The following GRIP1 variants were observed in gnomAD, a reference collection of about 807,000 sequenced individuals.
GRIP1 encodes the protein glutamate receptor-interacting protein 1.
A neutral mutation model predicts 129.9 loss-of-function variants in GRIP1; 45 were observed. The observed-to-expected ratio is 0.35, with a 90% CI of 0.27 to 0.44. GRIP1 has a LOEUF of 0.44. GRIP1 is among the 20% of genes least tolerant of loss of function. The pLI, the probability that GRIP1 is intolerant of heterozygous loss-of-function variation, is 1.00. For missense variants in GRIP1, 1,196 were observed against 1,396.8 expected, an observed-to-expected ratio of 0.86 and a Z score of 2.29; for synonymous variants, 530 against 520.8, an observed-to-expected ratio of 1.02 and a Z score of -0.24.
intron 1 of GRIP1, among the ~76,000 whole-genome samples, chr12:66,855,970 TA>T (rs34373213): frequency 0.29 from 43,460 of 150,814 alleles, 6,985 homozygotes; most frequent in East Asian, 0.41. Context: ...AGAGTTTTTC[TA>T]AATAATAAAA....
intron 23 of GRIP1, among the ~76,000 whole-genome samples, chr12:66,360,614 T>C (rs1471261060): frequency 4.6e-5 from 7 of 152,222 alleles, no homozygotes; most frequent in African/African-American, 1.7e-4. Flanking sequence ...CTAACCCTCC[T>C]GAGAACAGAA....
rs570022415 is a variant in GRIP1, at chr12:66,917,855, C to T, written c.58+151195G>A. On this transcript the variant is annotated intron_variant, in intron 1 of 1. Transcript: ENST00000643019. ...CATAATTTTCAAAATGATTACACTC[C>T]GCCATCTATCTCTTTATATCTCTGA... Among the ~76,000 whole-genome samples, 11 of 152,094 alleles carry T rather than the reference C, an allele frequency of 7.2e-5. No individual in the cohort carries two copies. The South Asian group carries it at 2.3e-3, about 32-fold the overall frequency.
At chr12:66,761,128 G>C (rs560551104) in intron 1 of GRIP1, among the ~76,000 whole-genome samples, 2 of 151,778 alleles carry the variant, frequency 1.3e-5, no homozygotes, top group African/African-American at 2.4e-5. Flanking sequence ...TTCCTTTTCA[G>C]CTCTCCCTAC....
chr12:66,520,039 T>C (rs994081204), intron 5 of GRIP1, among the ~76,000 whole-genome samples: 2 of 152,222 alleles, frequency 1.3e-5, no homozygotes, highest in African/African-American at 4.8e-5. Context: ...CTGTGACTTA[T>C]AGCATTAGAA....
intron 1 of GRIP1, among the ~76,000 whole-genome samples, chr12:66,622,152 C>A (rs1182358017): frequency 6.6e-6 from 1 of 151,924 alleles, no homozygotes; most frequent in Non-Finnish European, 1.5e-5. Flanking sequence ...GGTGTCATAT[C>A]CAAGAAATCA....
At chr12:66,417,049 T>C (rs2057633172) in intron 15 of GRIP1, among the ~76,000 whole-genome samples, 1 of 151,926 alleles carries the variant, frequency 6.6e-6, no homozygotes, top group East Asian at 1.9e-4. Context: ...AATAAAATAC[T>C]AGCAAAGTGA....
intron 1 of GRIP1, among the ~76,000 whole-genome samples, chr12:66,955,990 C>T (rs73333073): frequency 0.013 from 1,915 of 152,270 alleles, 32 homozygotes; most frequent in African/African-American, 0.044. Context: ...TTTGGATTTA[C>T]AAGAGTTAGT....
intron 1 of GRIP1, among the ~76,000 whole-genome samples, chr12:66,864,605 A>C (rs756361): frequency 0.97 from 146,699 of 151,972 alleles, 71,045 homozygotes; most frequent in East Asian, 1. Context: ...GTGGTCCCAG[A>C]CACTTGGGAG....
intron 2 of GRIP1, among the ~76,000 whole-genome samples, chr12:66,595,402 A>G (rs1040450868): frequency 1.6e-4 from 24 of 152,216 alleles, no homozygotes; most frequent in Admixed American, 1.2e-3. Flanking sequence ...ATGAAAAGAA[A>G]ACATTGATAA....
intron 1 of GRIP1, among the ~76,000 whole-genome samples, chr12:66,624,914 C>T (rs2065420905): frequency 6.6e-6 from 1 of 151,970 alleles, no homozygotes; most frequent in South Asian, 2.1e-4. Flanking sequence ...AAATTCATTA[C>T]TGGGTTTTGC....
upstream of GRIP1, among the ~76,000 whole-genome samples, chr12:66,807,661 A>T (rs1302346874): frequency 1.3e-5 from 2 of 151,834 alleles, no homozygotes; most frequent in African/African-American, 4.8e-5. Flanking sequence ...GCGATGGAGT[A>T]AAAAAGTGTG....
intron 7 of GRIP1, among the ~76,000 whole-genome samples, chr12:66,478,770 A>G (rs1448103772): frequency 6.6e-6 from 1 of 152,178 alleles, no homozygotes; most frequent in Non-Finnish European, 1.5e-5. Flanking sequence ...TCAGCAAACT[A>G]TCACAAGGAC....
At chr12:66,889,964 T>C (rs1433489491) in intron 1 of GRIP1, among the ~76,000 whole-genome samples, 1 of 152,044 alleles carries the variant, frequency 6.6e-6, no homozygotes, top group Non-Finnish European at 1.5e-5. Flanking sequence ...GGGTCTCACT[T>C]TGTCACCCAG....
chr12:66,392,113 C>A (rs7969948), intron 19 of GRIP1, among the ~76,000 whole-genome samples, 195 bp downstream of exon 19: 134,554 of 152,220 alleles, frequency 0.88, 61,313 homozygotes, highest in Non-Finnish European at 1. Flanking sequence ...GGTAAAGGTT[C>A]ATGCCTTATA....
intron 1 of GRIP1, among the ~76,000 whole-genome samples, chr12:66,732,330 T>C (rs1247749284): frequency 6.6e-6 from 1 of 152,110 alleles, no homozygotes; most frequent in Admixed American, 6.6e-5. Flanking sequence ...AGCCAGAGTA[T>C]CACTTAAGGA....
chr12:66,940,171 T>G (rs1461722347), intron 1 of GRIP1, among the ~76,000 whole-genome samples: 1 of 151,780 alleles, frequency 6.6e-6, no homozygotes, highest in African/African-American at 2.4e-5. Context: ...TGTGTGTGTT[T>G]GGAGCTCATG....
At chr12:66,428,429 T>C (rs1012631888) in intron 14 of GRIP1, among the ~76,000 whole-genome samples, 2 of 152,120 alleles carry the variant, frequency 1.3e-5, no homozygotes, top group African/African-American at 4.8e-5. Flanking sequence ...TATAAGAAAA[T>C]AAAGCAAGCC....
chr12:66,385,068 C>T (rs2137437468), intron 19 of GRIP1, among the ~76,000 whole-genome samples: 1 of 152,236 alleles, frequency 6.6e-6, no homozygotes, highest in South Asian at 2.1e-4. Context: ...TGAGGCAGCC[C>T]AGGCGTAAGA....
At chr12:67,008,432 C>T (rs1185274096) in intron 1 of GRIP1, among the ~76,000 whole-genome samples, 1 of 152,096 alleles carries the variant, frequency 6.6e-6, no homozygotes, top group African/African-American at 2.4e-5. Flanking sequence ...CAGAAGGCCA[C>T]TCAATACATC....
Sources: allele counts gnomAD v4.1 joint callset (sites outside exome capture counted in the v4.1 genomes callset), GRCh38; gene constraint gnomAD v4.1.1; transcripts MANE v1.5; gene names NCBI Gene and HGNC (gene_info 2026-07-23, HGNC 2026-07-21).